APP: variants seen among roughly 807,000 people sequenced by gnomAD.
APP encodes amyloid-beta precursor protein.
APP carries 31 observed loss-of-function variants against 101.4 expected under a neutral mutation model. That is an observed-to-expected ratio of 0.31 (90% confidence interval 0.23 to 0.41). APP has a LOEUF of 0.41. Among genes scored for constraint, APP ranks in the 10% least tolerant of loss-of-function variants. The pLI is 1.00. For missense variants in APP, 839 were observed against 1,003.7 expected (o/e 0.84, Z 2.22); for synonymous variants, 366 against 364.4 (o/e 1.00, Z -0.05).
At chr21:26,031,093 T>C (rs747384081) in intron 5 of APP, among the ~76,000 whole-genome samples, 2 of 152,038 alleles carry the variant, frequency 1.3e-5, no homozygotes, top group Non-Finnish European at 2.9e-5. Context: ...GGGCTGGTAG[T>C]TGGCCGGGCT....
chr21:25,887,088 T>G (rs916138867), intron 17 of APP, among the ~76,000 whole-genome samples: 4 of 152,060 alleles, frequency 2.6e-5, no homozygotes, highest in African/African-American at 9.7e-5. Flanking sequence ...AGAGGAAAAC[T>G]TTTTCACATC....
chr21:26,043,204 C>G lies in APP; in HGVS notation c.662+7796G>C, dbSNP rs1568899855. Among the ~76,000 whole-genome samples the G allele has an allele frequency of 2.6e-5, 4 of 152,054 alleles. No homozygotes were observed. In the South Asian group the frequency reaches 8.3e-4, roughly 32 times the overall value. On this transcript the variant is annotated intron_variant, in intron 5 of 17. Transcript: ENST00000346798. ...GCAATTTTACTTAATTACTGCATGT[C>G]TAGAATGATATTCCTTAGTTTTTCT...
chr21:25,894,693 T>C (rs1879753689), intron 16 of APP, among the ~76,000 whole-genome samples: 1 of 152,224 alleles, frequency 6.6e-6, no homozygotes, highest in Admixed American at 6.5e-5. Context: ...AGTGGTTTCT[T>C]GCAATGGAAT....
chr21:25,943,267 T>G (rs547245216), intron 13 of APP: 2 of 152,482 alleles, frequency 1.3e-5, no homozygotes, highest in African/African-American at 4.8e-5. Context: ...GCAATTCTCC[T>G]GCCTCAGCCT....
intron 1 of APP, chr21:26,140,218 C>T (rs2063013344): frequency 1.3e-6 from 2 of 1,536,100 alleles, no homozygotes; most frequent in Non-Finnish European, 1.7e-6. Flanking sequence ...AGAGCTGGCT[C>T]CAATCATTGT....
At chr21:25,976,838 A>G (rs2042242587) in intron 9 of APP, among the ~76,000 whole-genome samples, 3 of 152,214 alleles carry the variant, frequency 2.0e-5, no homozygotes, top group South Asian at 2.1e-4. Context: ...CTCTGTCCTC[A>G]TGAGTAAATT....
At chr21:26,083,405 A>G (rs1386482390) in intron 3 of APP, among the ~76,000 whole-genome samples, 1 of 152,248 alleles carries the variant, frequency 6.6e-6, no homozygotes, top group African/African-American at 2.4e-5. Context: ...TAAAAATGTT[A>G]GGTGTAAAAA....
At chr21:26,166,108 G>A (rs2146396444) in intron 1 of APP, among the ~76,000 whole-genome samples, 1 of 152,124 alleles carries the variant, frequency 6.6e-6, no homozygotes. Context: ...TATTTCTTAA[G>A]CCATCCACAC....
At chr21:25,983,851 C>T (rs536931730) in intron 8 of APP, among the ~76,000 whole-genome samples, 109 of 152,042 alleles carry the variant, frequency 7.2e-4, no homozygotes, top group African/African-American at 2.3e-3. Context: ...TTGGCAGCAA[C>T]GGGGGAAGGA....
At chr21:26,090,561 T>C (rs2146114242) in intron 2 of APP, among the ~76,000 whole-genome samples, 1 of 152,310 alleles carries the variant, frequency 6.6e-6, no homozygotes, top group East Asian at 1.9e-4. Context: ...ACTTAAAATA[T>C]TATTTTTCCA....
chr21:25,893,777 A>C lies in APP; in HGVS notation c.2065-1909T>G, dbSNP rs2037848949. Reference sequence around the variant, plus strand: ...AAGTGCTGATGTAGAAGCTGCAATAAGTTATCCAGAAGATCTAGATAAGAC... The same window carrying C: ...AAGTGCTGATGTAGAAGCTGCAATACGTTATCCAGAAGATCTAGATAAGAC... On this transcript the variant is annotated intron_variant, in intron 16 of 17. Coordinates refer to ENST00000346798, the MANE Select transcript of APP (RefSeq NM_000484.4). Among the ~76,000 whole-genome samples the C allele has an allele frequency of 2.0e-5, 3 of 152,264 alleles. No individual in the cohort carries two copies. In the South Asian group the frequency reaches 6.2e-4, roughly 31 times the overall value.
At chr21:26,118,481 T>G (rs968352403) in intron 1 of APP, among the ~76,000 whole-genome samples, 1 of 152,212 alleles carries the variant, frequency 6.6e-6, no homozygotes, top group East Asian at 1.9e-4. Flanking sequence ...CTATATAGTA[T>G]GTGATGAAAT....
chr21:26,052,204 C>T (rs1003649152), intron 4 of APP, among the ~76,000 whole-genome samples: 1 of 152,064 alleles, frequency 6.6e-6, no homozygotes, highest in Admixed American at 6.6e-5. Context: ...TTTCTCAACC[C>T]CAGCACTATT....
chr21:25,974,464 A>G (rs1568790838), intron 11 of APP, among the ~76,000 whole-genome samples: 1 of 152,196 alleles, frequency 6.6e-6, no homozygotes, highest in East Asian at 1.9e-4. Flanking sequence ...GTACCCTTAT[A>G]AAAGAGGGCC....
At chr21:26,151,660 A>C (rs2063272713) in intron 1 of APP, among the ~76,000 whole-genome samples, 1 of 152,140 alleles carries the variant, frequency 6.6e-6, no homozygotes, top group Non-Finnish European at 1.5e-5. Context: ...TCTAATAAGG[A>C]GTGTGCAACG....
intron 1 of APP, among the ~76,000 whole-genome samples, chr21:26,136,193 GAAAGAAAGA>G (rs1249113975): frequency 4.3e-5 from 4 of 92,074 alleles, no homozygotes; most frequent in South Asian, 6.6e-4. Context: ...AAGAAAGAAA[GAAAGAAAGA>G]AAAGAAAAGA....
At chr21:25,935,404 A>G (rs2040317949) in intron 13 of APP, 1 of 152,226 alleles carries the variant, frequency 6.6e-6, no homozygotes, top group Admixed American at 6.5e-5. Context: ...TAGTAGCAAC[A>G]TTAGGTTAAC....
At position 26,086,626 on chromosome 21, in the gene APP, T is replaced by G. The variant is rs1424218134; in HGVS notation, c.355+3317A>C. ...ACAGTCAAGAGATTTTAGAGCATAC[T>G]TATGTTAATGCTGAACAGTAATTCT... On this transcript the variant is annotated intron_variant, in intron 3 of 17. Transcript: ENST00000346798. Among the ~76,000 whole-genome samples, 4 of 152,086 alleles carry G rather than the reference T, an allele frequency of 2.6e-5. No individual in the cohort carries two copies. In the East Asian group the frequency reaches 7.7e-4, roughly 29 times the overall value.
chr21:26,021,014 C>T (rs530710063), intron 6 of APP, among the ~76,000 whole-genome samples: 31 of 149,970 alleles, frequency 2.1e-4, no homozygotes, highest in African/African-American at 7.1e-4. Context: ...TGTTAAAATT[C>T]ATAGCATAAA....
Sources: gnomAD v4.1 joint callset for allele counts (sites outside exome capture counted in the v4.1 genomes callset) on GRCh38, gnomAD v4.1.1 for gene constraint, MANE v1.5 for transcripts, NCBI Gene and HGNC (gene_info 2026-07-23, HGNC 2026-07-21) for gene names.